Variants in CR1L observed in about 807,000 individuals in gnomAD.
The protein encoded by CR1L is complement component receptor 1-like protein.
CR1L carries 59 observed loss-of-function variants against 62.3 expected under a neutral mutation model. The ratio of observed to expected loss-of-function variants is 0.95; its 90% CI spans 0.77 to 1.18. The LOEUF (loss-of-function observed/expected upper bound fraction) is 1.18, where lower values mean the gene tolerates loss of function less well. CR1L is among the 50% of genes most tolerant of loss of function. The pLI, the probability that CR1L is intolerant of heterozygous loss-of-function variation, is 0.00. For synonymous variants in CR1L, 279 were observed against 248.7 expected, an observed-to-expected ratio of 1.12 and a Z score of -1.15; for missense variants, 700 against 702.8, an observed-to-expected ratio of 1.00 and a Z score of 0.04.
At chr1:207,682,960 TTTTC>T (rs141205339) in intron 3 of CR1L, among the ~76,000 whole-genome samples, 2,330 of 140,186 alleles carry the variant, frequency 0.017, 26 homozygotes, top group Non-Finnish European at 0.025. Flanking sequence ...TTATAAATCA[TTTTC>T]TTTCTTTCTT....
chr1:207,721,351 C>T (rs1654134064), intron 11 of CR1L, among the ~76,000 whole-genome samples: 1 of 118,730 alleles, frequency 8.4e-6, no homozygotes, highest in Admixed American at 1.0e-4. Flanking sequence ...CCTCCCCCCA[C>T]CCCACCACAG....
At chr1:207,715,464 C>T (rs182492492) in intron 10 of CR1L, 37 of 976,970 alleles carry the variant, frequency 3.8e-5, no homozygotes, top group Admixed American at 2.1e-4. Context: ...TTTTACTGCA[C>T]GGAATCACTT....
At chr1:207,711,223 C>T (rs996858427) in intron 10 of CR1L, 5 of 212,176 alleles carry the variant, frequency 2.4e-5, no homozygotes, top group African/African-American at 9.4e-5. Flanking sequence ...GGCTTAGCAG[C>T]GGAGTGGGAG....
At chr1:207,703,939 G>T (rs1335966019) in intron 9 of CR1L, among the ~76,000 whole-genome samples, 1 of 151,574 alleles carries the variant, frequency 6.6e-6, no homozygotes, top group South Asian at 2.1e-4. Context: ...GGGCAATAGA[G>T]GGAGACTTCA....
At chr1:207,705,773 A>G (rs1664257015) in intron 9 of CR1L, among the ~76,000 whole-genome samples, 1 of 152,300 alleles carries the variant, frequency 6.6e-6, no homozygotes, top group Admixed American at 6.5e-5. Flanking sequence ...GACAAAAAAC[A>G]GGAAATACAT....
rs368626783 is a variant in CR1L, at chr1:207,694,817, A to G, written c.862+66A>G. On this transcript the variant is annotated intron_variant, in intron 5 of 11. Coordinates refer to ENST00000508064, the MANE Select transcript of CR1L (RefSeq NM_175710.2). The stretch of plus-strand genomic sequence containing the variant: ...TGCATTGCTGTTGGATCAGGAGATT[A>G]GTATTTGTTCAGGGGGAGGGATTTG... 6.2e-5 allele frequency: 99 copies of G among 1,609,730 alleles called. No homozygotes were observed. In the South Asian group the frequency reaches 7.6e-4, roughly 12 times the overall value.
intron 10 of CR1L, chr1:207,715,349 T>G: frequency 6.3e-7 from 1 of 1,599,600 alleles, no homozygotes; most frequent in Admixed American, 1.7e-5. Flanking sequence ...TCATTGTGTC[T>G]TGGCTGGAAT....
chr1:207,710,207 G>T (rs960873533), intron 10 of CR1L, among the ~76,000 whole-genome samples: 1 of 152,062 alleles, frequency 6.6e-6, no homozygotes, highest in South Asian at 2.1e-4. Flanking sequence ...AACCAGATAC[G>T]GTGGTGCGTG....
chr1:207,707,580 A>G (rs1664287097), intron 9 of CR1L, among the ~76,000 whole-genome samples: 1 of 152,168 alleles, frequency 6.6e-6, no homozygotes, highest in South Asian at 2.1e-4. Context: ...GTGAGCAGAT[A>G]TTGCACCATT....
In CR1L at chr1:207,673,067, G is replaced by T. The variant is rs182495421; in HGVS notation, c.98-4322G>T. ...ATTTCTTTTGTCAGAGACATTAAGAGAAACAAATGCTGTCAATCTAATCAC... is the reference window on the plus strand; with the variant it reads ...ATTTCTTTTGTCAGAGACATTAAGATAAACAAATGCTGTCAATCTAATCAC... On this transcript the variant is annotated intron_variant, in intron 1 of 11. Coordinates refer to ENST00000508064, the MANE Select transcript of CR1L (RefSeq NM_175710.2). Among the ~76,000 whole-genome samples the T allele has an allele frequency of 4.6e-5, 7 of 152,252 alleles. No homozygotes were observed. The East Asian group carries it at 1.3e-3, about 29-fold the overall frequency.
chr1:207,707,077 T>C (rs562245088), intron 9 of CR1L, among the ~76,000 whole-genome samples: 1 of 152,350 alleles, frequency 6.6e-6, no homozygotes, highest in East Asian at 1.9e-4. Flanking sequence ...ATCTACAATA[T>C]ACATGCACAC....
chr1:207,702,393 G>C (rs1215728415), intron 9 of CR1L, among the ~76,000 whole-genome samples: 1 of 152,076 alleles, frequency 6.6e-6, no homozygotes, highest in Non-Finnish European at 1.5e-5. Context: ...ACTAAAATGA[G>C]GCCAATTAAT....
chr1:207,693,955 T>A lies in CR1L; in HGVS notation c.464-398T>A, dbSNP rs192298345. Among the ~76,000 whole-genome samples the A allele has an allele frequency of 8.6e-3, 1,311 of 152,324 alleles. 19 individuals carry two copies. The highest frequency in any genetic ancestry group is 0.024 in the African/African-American group (1,015 of 41,566). On this transcript the variant is annotated intron_variant, in intron 4 of 11. Coordinates refer to ENST00000508064, the MANE Select transcript of CR1L (RefSeq NM_175710.2). ...TCCTACTGTGTATATTTGTGTCTTC[T>A]CTCTTCCCTTATACTTTATCTTTTG... is the stretch of plus-strand genomic sequence containing the variant.
intron 3 of CR1L, among the ~76,000 whole-genome samples, chr1:207,680,978 G>A (rs1663786190): frequency 1.3e-5 from 2 of 152,236 alleles, no homozygotes; most frequent in South Asian, 4.1e-4. Flanking sequence ...TTCATTTGGA[G>A]TTGGTGTCTT....
At chr1:207,708,052 G>T in intron 9 of CR1L, 126 bp from the exon 10 acceptor site, 1 of 1,135,832 alleles carries the variant, frequency 8.8e-7, no homozygotes, top group Non-Finnish European at 1.3e-6. Context: ...GGGAACAATA[G>T]GTAAAGTTTA....
chr1:207,647,936 A>G (rs1663157021), intron 1 of CR1L, among the ~76,000 whole-genome samples: 1 of 152,176 alleles, frequency 6.6e-6, no homozygotes, highest in Non-Finnish European at 1.5e-5. Context: ...AATGTTTAGA[A>G]TAGGCTTAGT....
chr1:207,677,307 CAAAAAAAAAAAAAAAAAAAA>C (rs57151160), intron 1 of CR1L, 62 bp from the exon 2 acceptor site: 1 of 460,606 alleles, frequency 2.2e-6, no homozygotes, highest in South Asian at 4.2e-5. Flanking sequence ...GACTCTGTCA[CAAAAAAAAAAAAAAAAAAAA>C]AAAAAAAAAA....
chr1:207,713,608 G>A (rs1653877252), intron 10 of CR1L, among the ~76,000 whole-genome samples: 1 of 152,226 alleles, frequency 6.6e-6, no homozygotes, highest in Admixed American at 6.5e-5. Context: ...TCAGCCTCTG[G>A]GAGGGGGTGT....
intron 1 of CR1L, among the ~76,000 whole-genome samples, chr1:207,657,659 A>T (rs2102443463): frequency 6.6e-6 from 1 of 152,324 alleles, no homozygotes; most frequent in African/African-American, 2.4e-5. Flanking sequence ...AAGAAATCTA[A>T]GAGTTCTGGC....
Sources: allele counts gnomAD v4.1 joint callset (sites outside exome capture counted in the v4.1 genomes callset), GRCh38; gene constraint gnomAD v4.1.1; transcripts MANE v1.5; gene names NCBI Gene and HGNC (gene_info 2026-07-23, HGNC 2026-07-21).